The following RAB9B variants were observed in gnomAD, a reference collection of about 807,000 sequenced individuals.
RAB9B encodes the protein RAB9B, member RAS oncogene family.
A neutral mutation model predicts 8.9 loss-of-function variants in RAB9B; 1 was observed. The ratio of observed to expected loss-of-function variants is 0.11; its 90% CI spans 0.04 to 0.53. The LOEUF is 0.53. Among genes scored for constraint, RAB9B ranks in the 20% least tolerant of loss-of-function variants. RAB9B has a pLI of 0.93. For missense variants in RAB9B, 82 were observed against 152.9 expected (o/e 0.54, Z 2.45); for synonymous variants, 63 against 57.0 (o/e 1.10, Z -0.47).
chrX:103,799,891 C>G, the RAB9B span, among the ~76,000 whole-genome samples: 1 of 111,076 alleles, frequency 9.0e-6, no homozygotes, highest in Non-Finnish European at 1.9e-5. Context: ...GGATGCGGGG[C>G]GGGGGACTCC....
the RAB9B span, among the ~76,000 whole-genome samples, chrX:103,796,847 C>CAAAAAA: frequency 7.4e-4 from 9 of 12,104 alleles, no homozygotes; most frequent in East Asian, 4.3e-3. Context: ...ACCGCCTCTA[C>CAAAAAA]AAAAAAAAAA....
At chrX:103,810,465 C>T in the RAB9B span, among the ~76,000 whole-genome samples, 1 of 112,094 alleles carries the variant, frequency 8.9e-6, no homozygotes, top group Non-Finnish European at 1.9e-5. Context: ...TGGTGGGGTC[C>T]AGGAATCTGC....
the RAB9B span, chrX:103,776,831 C>G: frequency 1.1e-5 from 6 of 523,083 alleles, no homozygotes; most frequent in African/African-American, 1.4e-4. Context: ...GGCTGTCAAT[C>G]AGAAAGCCCT....
the RAB9B span, among the ~76,000 whole-genome samples, chrX:103,808,431 A>C: frequency 8.9e-6 from 1 of 112,177 alleles, no homozygotes; most frequent in South Asian, 3.7e-4. Flanking sequence ...GTAAACTGTC[A>C]GGTCTGTCTT....
chrX:103,809,189 G>A, the RAB9B span, among the ~76,000 whole-genome samples: 1 of 112,255 alleles, frequency 8.9e-6, no homozygotes, highest in Non-Finnish European at 1.9e-5. Context: ...TCTCTGTTAT[G>A]TGAGGAAACA....
chrX:103,820,043 C>T (rs193270554), downstream of RAB9B, among the ~76,000 whole-genome samples: 7 of 111,436 alleles, frequency 6.3e-5, no homozygotes, highest in East Asian at 2.0e-3. Flanking sequence ...CAGGAGAAAC[C>T]CCTTCCCCCT....
the RAB9B span, chrX:103,780,784 ATTG>A: frequency 3.6e-5 from 4 of 112,481 alleles, no homozygotes; most frequent in Non-Finnish European, 7.5e-5. Context: ...CCTCTTGATA[ATTG>A]TTGTTTTACT....
the RAB9B span, chrX:103,790,864 T>C: frequency 2.6e-6 from 1 of 387,440 alleles, no homozygotes; most frequent in Non-Finnish European, 4.5e-6. Context: ...CAACTGCAAG[T>C]CACAAAGGAA....
chrX:103,822,000 A>G (rs1414206396), downstream of RAB9B, among the ~76,000 whole-genome samples: 3 of 111,698 alleles, frequency 2.7e-5, no homozygotes, highest in Non-Finnish European at 5.6e-5. Flanking sequence ...GGTTAAACCC[A>G]TGAGTTTGAG....
the RAB9B span, chrX:103,787,932 T>C: frequency 8.3e-7 from 1 of 1,211,113 alleles, no homozygotes; most frequent in Non-Finnish European, 1.1e-6. Flanking sequence ...CCTCTGCCAG[T>C]ATAGGCAGTC....
At chrX:103,802,198 G>A in the RAB9B span, among the ~76,000 whole-genome samples, 3 of 102,436 alleles carry the variant, frequency 2.9e-5, no homozygotes, top group Admixed American at 3.3e-4. Flanking sequence ...AAGAGAGAGA[G>A]AGAGAGAAAG....
At chrX:103,791,018 A>G in the RAB9B span, 3 of 187,972 alleles carry the variant, frequency 1.6e-5, no homozygotes, top group South Asian at 3.3e-4. Context: ...CTTGCCATCT[A>G]TAGGGGCCAA....
chrX:103,794,447 G>C, the RAB9B span, among the ~76,000 whole-genome samples: 4 of 111,663 alleles, frequency 3.6e-5, no homozygotes, highest in African/African-American at 1.3e-4. Flanking sequence ...GGAGTCAGAG[G>C]GCACATGAAT....
At chrX:103,784,545 A>G in the RAB9B span, among the ~76,000 whole-genome samples, 1 of 112,001 alleles carries the variant, frequency 8.9e-6, no homozygotes, top group Non-Finnish European at 1.9e-5. Context: ...TGCTCCTCCC[A>G]TATGTAAACT....
At chrX:103,786,156 A>G in the RAB9B span, 2 of 1,108,659 alleles carry the variant, frequency 1.8e-6, no homozygotes, top group Non-Finnish European at 2.4e-6. Context: ...CTTCTTGTCT[A>G]GCTCCCTACT....
At chrX:103,828,847 C>A (rs1419306477) in intron 1 of RAB9B, among the ~76,000 whole-genome samples, 1 of 112,049 alleles carries the variant, frequency 8.9e-6, no homozygotes, top group African/African-American at 3.2e-5. Context: ...CAATGTGGTT[C>A]AGTGTCAAGA....
chrX:103,815,911 C>T, the RAB9B span, among the ~76,000 whole-genome samples: 3 of 111,590 alleles, frequency 2.7e-5, no homozygotes, highest in Admixed American at 9.5e-5. Context: ...CTACAAACCA[C>T]TGCTCAAGGA....
chrX:103,787,555 C>T, the RAB9B span: 1 of 436,775 alleles, frequency 2.3e-6, no homozygotes, highest in Non-Finnish European at 4.0e-6. Flanking sequence ...CTCTCTAACC[C>T]AGGGATCCTC....
the RAB9B span, among the ~76,000 whole-genome samples, chrX:103,816,297 C>A: frequency 9.0e-6 from 1 of 111,617 alleles, no homozygotes; most frequent in Non-Finnish European, 1.9e-5. Flanking sequence ...ACCATCTGAT[C>A]TTTGGCAAAC....
Sources: gnomAD v4.1 joint callset for allele counts (sites outside exome capture counted in the v4.1 genomes callset) on GRCh38, gnomAD v4.1.1 for gene constraint, MANE v1.5 for transcripts, NCBI Gene and HGNC (gene_info 2026-07-23, HGNC 2026-07-21) for gene names.